The following SV2C variants were observed in gnomAD, a reference collection of about 807,000 sequenced individuals.
SV2C encodes the protein solute carrier family 22 member B3.
Under a neutral mutation model 79.7 loss-of-function variants are expected in SV2C, and 49 were observed. The ratio of observed to expected loss-of-function variants is 0.61; its 90% confidence interval spans 0.49 to 0.78. SV2C has a LOEUF of 0.78. Ranked by LOEUF, SV2C falls within the 30% of genes least tolerant of loss-of-function variation. SV2C has a pLI of 0.00. For missense variants in SV2C, 833 were observed against 912.9 expected, an observed-to-expected ratio of 0.91 and a Z score of 1.13; for synonymous variants, 334 against 333.2, an observed-to-expected ratio of 1.00 and a Z score of -0.03.
At chr5:75,970,664 A>G in the SV2C span, among the ~76,000 whole-genome samples, 4 of 152,202 alleles carry the variant, frequency 2.6e-5, no homozygotes, top group Non-Finnish European at 5.9e-5. Context: ...ATAGGCTATG[A>G]AATTGAGGCA....
intron 2 of SV2C, among the ~76,000 whole-genome samples, chr5:76,151,598 G>A (rs1749607499): frequency 6.6e-6 from 1 of 152,210 alleles, no homozygotes; most frequent in African/African-American, 2.4e-5. Flanking sequence ...TAACAACCAT[G>A]AGCTATGGGT....
chr5:76,066,295 G>C, the SV2C span, among the ~76,000 whole-genome samples: 1 of 152,014 alleles, frequency 6.6e-6, no homozygotes. Context: ...TATGTCCTTT[G>C]TAGGGACATG....
At chr5:76,186,606 T>C (rs7448780) in intron 2 of SV2C, among the ~76,000 whole-genome samples, 120,815 of 152,144 alleles carry the variant, frequency 0.79, 48,551 homozygotes, top group East Asian at 0.91. Flanking sequence ...GCAAGAGAAT[T>C]GCTTGAATCC....
chr5:75,905,624 C>T, the SV2C span, among the ~76,000 whole-genome samples: 1 of 152,014 alleles, frequency 6.6e-6, no homozygotes, highest in Non-Finnish European at 1.5e-5. Context: ...GTTGGGATGT[C>T]CAGCTCATTT....
intron 1 of SV2C, among the ~76,000 whole-genome samples, chr5:76,088,916 C>T (rs1284389198): frequency 6.6e-6 from 1 of 152,054 alleles, no homozygotes; most frequent in Non-Finnish European, 1.5e-5. Flanking sequence ...GCTGATTTGT[C>T]CTTCGTGTTT....
chr5:75,882,175 T>A, the SV2C span, among the ~76,000 whole-genome samples: 3 of 150,754 alleles, frequency 2.0e-5, no homozygotes, highest in Non-Finnish European at 4.4e-5. Context: ...ATAAGCTTTT[T>A]GATGTGCTGC....
the SV2C span, among the ~76,000 whole-genome samples, chr5:75,993,254 C>A: frequency 6.6e-6 from 1 of 151,972 alleles, no homozygotes; most frequent in Non-Finnish European, 1.5e-5. Context: ...AATGTTTCAA[C>A]AAAAATTTGT....
In SV2C at chr5:76,289,677, C is replaced by T. The variant is rs530898545; in HGVS notation, c.1138-1544C>T. Reference sequence around the variant, plus strand: ...TCACTGCCCTCTGGCCTTCTACTATCCTTCAGGAATCGCGAACTCTTTGCA... The same window carrying T: ...TCACTGCCCTCTGGCCTTCTACTATTCTTCAGGAATCGCGAACTCTTTGCA... On this transcript the variant is annotated intron_variant, in intron 6 of 12. Coordinates refer to ENST00000502798, the MANE Select transcript of SV2C (RefSeq NM_014979.4). 2.6e-4 allele frequency among the ~76,000 whole-genome samples: 39 copies of T among 152,358 alleles called. 2 individuals are homozygous for T. In the Middle Eastern group the frequency reaches 0.014, roughly 53 times the overall value.
intron 2 of SV2C, chr5:76,173,866 A>G (rs576635908): frequency 3.8e-6 from 6 of 1,597,674 alleles, no homozygotes; most frequent in East Asian, 2.2e-5. Context: ...GAACATCATC[A>G]GTGTCTTTAA....
intron 2 of SV2C, among the ~76,000 whole-genome samples, chr5:76,172,354 C>T: frequency 1.2e-5 from 1 of 81,490 alleles, no homozygotes; most frequent in Non-Finnish European, 2.6e-5. Flanking sequence ...GCGCCTCTGC[C>T]CGGCCGCCCC....
chr5:76,098,919 A>G (rs1030433314), intron 1 of SV2C, among the ~76,000 whole-genome samples: 2 of 152,190 alleles, frequency 1.3e-5, no homozygotes, highest in African/African-American at 4.8e-5. Flanking sequence ...GAGGCATTGG[A>G]GCGCTGCCTA....
At chr5:76,214,605 A>T (rs915967037) in intron 4 of SV2C, among the ~76,000 whole-genome samples, 1 of 152,196 alleles carries the variant, frequency 6.6e-6, no homozygotes, top group Non-Finnish European at 1.5e-5. Flanking sequence ...GACTCTGTAG[A>T]TCTGTTTGAG....
intron 3 of SV2C, among the ~76,000 whole-genome samples, chr5:76,203,320 G>A (rs1744508997): frequency 6.6e-6 from 1 of 152,082 alleles, no homozygotes; most frequent in Non-Finnish European, 1.5e-5. Flanking sequence ...GGGATAATGG[G>A]TGGATAATGG....
At chr5:75,984,602 T>TCTAC in the SV2C span, among the ~76,000 whole-genome samples, 35 of 141,322 alleles carry the variant, frequency 2.5e-4, no homozygotes, top group African/African-American at 6.4e-4. Flanking sequence ...TATCTACCTA[T>TCTAC]CTATCTATCT....
intron 12 of SV2C, among the ~76,000 whole-genome samples, chr5:76,346,257 A>G (rs959913601): frequency 6.6e-6 from 1 of 152,218 alleles, no homozygotes; most frequent in African/African-American, 2.4e-5. Context: ...GAGGCGATAC[A>G]TTCTGAGGAT....
chr5:75,914,052 C>T, the SV2C span, among the ~76,000 whole-genome samples: 1 of 152,076 alleles, frequency 6.6e-6, no homozygotes, highest in South Asian at 2.1e-4. Context: ...GGTCTAAGGT[C>T]TTTTCATTGA....
At chr5:76,139,467 G>A (rs1580299231) in intron 2 of SV2C, among the ~76,000 whole-genome samples, 1 of 152,222 alleles carries the variant, frequency 6.6e-6, no homozygotes, top group Admixed American at 6.5e-5. Flanking sequence ...TTTCTTGGGA[G>A]TCCTGTTTTT....
intron 12 of SV2C, among the ~76,000 whole-genome samples, chr5:76,340,922 A>AC (rs1488563318): frequency 3.9e-5 from 5 of 127,104 alleles, no homozygotes; most frequent in African/African-American, 1.4e-4. Flanking sequence ...TAGTTTTACA[A>AC]AATTTTTTTT....
At chr5:75,934,249 A>T in the SV2C span, among the ~76,000 whole-genome samples, 18 of 149,000 alleles carry the variant, frequency 1.2e-4, no homozygotes, top group South Asian at 3.2e-3. Flanking sequence ...AGACCAAATG[A>T]CATTGCTTTA....
Sources: gnomAD v4.1 joint callset for allele counts (sites outside exome capture counted in the v4.1 genomes callset) on GRCh38, gnomAD v4.1.1 for gene constraint, MANE v1.5 for transcripts, NCBI Gene and HGNC (gene_info 2026-07-23, HGNC 2026-07-21) for gene names.